Variants in PFKFB3 observed in about 807,000 individuals in gnomAD.
PFKFB3 encodes 6-phosphofructo-2-kinase/fructose-2,6-biphosphatase 3.
In PFKFB3, 33 loss-of-function variants were observed where a neutral mutation model predicts 68.0. That is an observed-to-expected ratio of 0.49 (90% CI 0.37 to 0.65). The LOEUF (loss-of-function observed/expected upper bound fraction) is 0.65, where lower values mean the gene tolerates loss of function less well. PFKFB3 is among the 30% of genes least tolerant of loss of function. PFKFB3 has a pLI of 0.00. For missense variants in PFKFB3, 586 were observed against 712.2 expected (o/e 0.82, Z 2.02); for synonymous variants, 315 against 288.2 (o/e 1.09, Z -0.94).
chr10:6,211,423 C>A (rs1022843346), intron 1 of PFKFB3, among the ~76,000 whole-genome samples: 1 of 152,112 alleles, frequency 6.6e-6, no homozygotes, highest in Non-Finnish European at 1.5e-5. Flanking sequence ...AGCAGCGGTG[C>A]AGTGGGGACA....
chr10:6,145,483 A>C (rs1343365600), intron 1 of PFKFB3, among the ~76,000 whole-genome samples: 8 of 152,042 alleles, frequency 5.3e-5, no homozygotes, highest in African/African-American at 1.9e-4. Flanking sequence ...GGCCGCAGAT[A>C]TACCAGGGCT....
Position 6,229,040 on chromosome 10 carries a change from C to G in PFKFB3, c.1515+2675C>G, listed in dbSNP as rs1441636102. ...GCCACATGAAGTGTCATCCCCTTGC[C>G]CCCCCAAAAACACACCCGCCCCTTT... On this transcript the variant is annotated intron_variant, in intron 14 of 14. Coordinates refer to ENST00000379775, the MANE Select transcript of PFKFB3 (RefSeq NM_004566.4). The surrounding 1 kb of genome is among the most constrained non-coding windows in gnomAD (Gnocchi z 4.3). 2 of 485,734 alleles carry G rather than the reference C, an allele frequency of 4.1e-6. No individual in the cohort carries two copies. The highest frequency in any genetic ancestry group is 8.5e-6 in the Non-Finnish European group (2 of 235,144). The allele number at this position is 485,734 out of a possible 1,614,324, so 30.1% of individuals were successfully genotyped here. A position where few individuals can be genotyped will look rare whatever the true frequency, so the allele number is the denominator to read the frequency against.
chr10:6,262,475 A>AG, the PFKFB3 span, among the ~76,000 whole-genome samples: 1 of 151,758 alleles, frequency 6.6e-6, no homozygotes, highest in South Asian at 2.1e-4. Flanking sequence ...AAAAAAAAAA[A>AG]AAAAGCTGTC....
intron 1 of PFKFB3, among the ~76,000 whole-genome samples, chr10:6,188,672 C>T (rs1300409287): frequency 6.6e-6 from 1 of 151,854 alleles, no homozygotes; most frequent in Admixed American, 6.6e-5. Flanking sequence ...CCCCTGACGT[C>T]CCCCGTTCTG....
intron 1 of PFKFB3, among the ~76,000 whole-genome samples, chr10:6,157,733 A>G (rs76596891): frequency 0.02 from 2,978 of 152,280 alleles, 99 homozygotes; most frequent in African/African-American, 0.067. Flanking sequence ...AGGCTTTTTC[A>G]CTTATGATTT....
the PFKFB3 span, among the ~76,000 whole-genome samples, chr10:6,282,841 G>T: frequency 6.6e-6 from 1 of 152,188 alleles, no homozygotes; most frequent in Non-Finnish European, 1.5e-5. Flanking sequence ...AGTATAGAAA[G>T]TTCCTTTGTC....
intron 14 of PFKFB3, among the ~76,000 whole-genome samples, chr10:6,243,765 C>G (rs980732703): frequency 5.3e-5 from 8 of 152,170 alleles, no homozygotes; most frequent in Non-Finnish European, 1.0e-4. Context: ...CTAGGTCGCC[C>G]AAGGCTGAAG....
At chr10:6,189,098 C>T (rs947123954) in intron 1 of PFKFB3, among the ~76,000 whole-genome samples, 1 of 152,188 alleles carries the variant, frequency 6.6e-6, no homozygotes, top group Non-Finnish European at 1.5e-5. Context: ...CTTGGCCTCC[C>T]AAAGTGCTGG....
chr10:6,242,043 A>C (rs1412762322), intron 14 of PFKFB3, among the ~76,000 whole-genome samples: 4 of 151,888 alleles, frequency 2.6e-5, no homozygotes, highest in Non-Finnish European at 5.9e-5. Context: ...GTTGGGTGTC[A>C]CTATTTTGCC....
At chr10:6,211,613 G>C (rs1023339933) in intron 1 of PFKFB3, among the ~76,000 whole-genome samples, 6 of 152,168 alleles carry the variant, frequency 3.9e-5, no homozygotes, top group African/African-American at 1.4e-4. Flanking sequence ...GTGCCCCTGG[G>C]GACACAAGAA....
chr10:6,276,361 T>C, the PFKFB3 span, among the ~76,000 whole-genome samples: 1 of 151,748 alleles, frequency 6.6e-6, no homozygotes. Flanking sequence ...AAAATGTGTT[T>C]ATGGATCTAT....
chr10:6,304,570 A>G, the PFKFB3 span, among the ~76,000 whole-genome samples: 4 of 151,400 alleles, frequency 2.6e-5, no homozygotes, highest in East Asian at 7.7e-4. Context: ...CATGTTGACC[A>G]GGCTGATCTC....
At chr10:6,187,981 A>G (rs994653906) in intron 1 of PFKFB3, among the ~76,000 whole-genome samples, 2 of 122,412 alleles carry the variant, frequency 1.6e-5, no homozygotes, top group African/African-American at 5.4e-5. Flanking sequence ...CTATCTATCC[A>G]TCCATCCATT....
chr10:6,217,071 A>C, intron 5 of PFKFB3, 64 bp from the exon 6 acceptor site: 1 of 1,495,562 alleles, frequency 6.7e-7, no homozygotes, highest in Non-Finnish European at 9.3e-7. Flanking sequence ...ATGACATCGC[A>C]GTGATGGCAA....
At chr10:6,183,640 A>T (rs1317887555) in intron 1 of PFKFB3, among the ~76,000 whole-genome samples, 3 of 148,324 alleles carry the variant, frequency 2.0e-5, no homozygotes, top group African/African-American at 7.4e-5. Flanking sequence ...TATGTATATA[A>T]ATAATATATA....
intron 9 of PFKFB3, 40 bp from the exon 10 acceptor site, chr10:6,221,601 C>T (rs1432288413): frequency 3.1e-6 from 5 of 1,610,114 alleles, no homozygotes; most frequent in Admixed American, 3.4e-5. Flanking sequence ...CTAGACACCC[C>T]TGTGGTTTGT....
At chr10:6,202,878 C>G, upstream of PFKFB3, 1 of 1,058,696 alleles carries the variant, frequency 9.4e-7, no homozygotes, top group South Asian at 3.0e-5. Context: ...GGCTGACGTA[C>G]GCGTCTGCGG....
At chr10:6,208,173 C>A (rs186973352) in intron 1 of PFKFB3, among the ~76,000 whole-genome samples, 1 of 152,092 alleles carries the variant, frequency 6.6e-6, no homozygotes, top group African/African-American at 2.4e-5. Flanking sequence ...CTCCTGGGCT[C>A]AAGCAATCCT....
At chr10:6,304,208 T>C in the PFKFB3 span, among the ~76,000 whole-genome samples, 1 of 152,196 alleles carries the variant, frequency 6.6e-6, no homozygotes. Flanking sequence ...TTTAAATATT[T>C]AGATAGAAAG....
Sources: gnomAD v4.1 joint callset for allele counts (sites outside exome capture counted in the v4.1 genomes callset) on GRCh38, gnomAD v4.1.1 for gene constraint, Gnocchi (gnomAD v3.1) non-coding constraint, MANE v1.5 for transcripts, NCBI Gene and HGNC (gene_info 2026-07-23, HGNC 2026-07-21) for gene names.